COL28A1: variants seen among roughly 807,000 people sequenced by gnomAD.
The protein encoded by COL28A1 is collagen alpha-1(XXVIII) chain.
In COL28A1, 161 loss-of-function variants were observed where a neutral mutation model predicts 150.2. The ratio of observed to expected loss-of-function variants is 1.07; its 90% CI spans 0.94 to 1.22. The LOEUF (loss-of-function observed/expected upper bound fraction) is 1.22, where lower values mean the gene tolerates loss of function less well. COL28A1 is among the 50% of genes most tolerant of loss of function. The pLI is 0.00. For synonymous variants in COL28A1, 552 were observed against 469.7 expected (o/e 1.18, Z -2.26); for missense variants, 1,617 against 1,388.3 (o/e 1.16, Z -2.62).
chr7:7,443,992 T>TG (rs1191619298), intron 19 of COL28A1, among the ~76,000 whole-genome samples: 4 of 150,970 alleles, frequency 2.6e-5, no homozygotes, highest in African/African-American at 9.7e-5. Flanking sequence ...TGCTGTTTTT[T>TG]TTTTTTTTTT....
chr7:7,340,019 C>G, the COL28A1 span, among the ~76,000 whole-genome samples: 2 of 152,024 alleles, frequency 1.3e-5, no homozygotes, highest in African/African-American at 2.4e-5. Context: ...GAGACAAGGT[C>G]TCACTCTATT....
chr7:7,428,266 G>C (rs1324739665), intron 25 of COL28A1, among the ~76,000 whole-genome samples: 1 of 152,158 alleles, frequency 6.6e-6, no homozygotes, highest in Non-Finnish European at 1.5e-5. Context: ...TCTGTGCAAA[G>C]ATTAGGCTAA....
chr7:7,488,636 A>G (rs909690006), intron 13 of COL28A1, among the ~76,000 whole-genome samples: 6 of 152,252 alleles, frequency 3.9e-5, no homozygotes, highest in Admixed American at 6.5e-5. Context: ...TCAAAACTAC[A>G]TAAAAGAGAT....
chr7:7,358,731 C>G lies in COL28A1; in HGVS notation c.3280G>C (p.Val1094Leu), dbSNP rs780807233. The G allele has an allele frequency of 1.2e-6, 2 of 1,614,018 alleles. No individual in the cohort carries two copies. The highest frequency in any genetic ancestry group is 1.7e-6 in the Non-Finnish European group (2 of 1,179,944). Residue 1094 changes from valine (V) to leucine (L), a missense_variant, in exon 35 of 35, where the codon GTC (valine) becomes CTC (leucine). Val to Leu is a conservative substitution (Grantham distance 32, BLOSUM62 1). Coordinates refer to ENST00000399429, the MANE Select transcript of COL28A1 (RefSeq NM_001037763.3). ...YVVRWYYDKQVNSCARFWFSG... is the reference protein window; with the variant it reads ...YVVRWYYDKQLNSCARFWFSG... Reference sequence around the variant, plus strand: ...AACCAAAATCGGGCACAAGAGTTGACCTGTTTGTCATAATACCATCGAACC... The same window carrying G: ...AACCAAAATCGGGCACAAGAGTTGAGCTGTTTGTCATAATACCATCGAACC...
intron 3 of COL28A1, among the ~76,000 whole-genome samples, chr7:7,525,235 G>A (rs930904542): frequency 2.4e-4 from 36 of 152,174 alleles, no homozygotes; most frequent in Non-Finnish European, 4.4e-4. Context: ...CCTCCTGACC[G>A]TCTTCAGTGC....
At position 7,373,027 on chromosome 7, in the gene COL28A1, T is replaced by C; in HGVS notation, c.2879A>G (p.Tyr960Cys). 6.2e-7 allele frequency: 1 copy of C among 1,614,056 alleles called. No homozygotes were observed. Among genetic ancestry groups the C allele is most frequent in the Non-Finnish European group, 8.5e-7 (1 of 1,179,980 alleles). Residue 960 changes from tyrosine (Y) to cysteine (C), a missense_variant, in exon 32 of 35, where the codon TAC becomes TGC. Transcript: ENST00000399429. This position sits in a 1 kb window ranked among gnomAD's most constrained non-coding sequence, Gnocchi z 4.1. The stretch of plus-strand genomic sequence containing the variant: ...CAGGGTAAAGAAATCATCAAACTGG[T>C]AAACATGCTCTGGGTCAGTAGCAAT... ...NLIATDPEHV[Y>C]QFDDFFTLQD...
intron 25 of COL28A1, among the ~76,000 whole-genome samples, chr7:7,422,435 C>T (rs1271288150): frequency 6.6e-6 from 1 of 152,058 alleles, no homozygotes; most frequent in Non-Finnish European, 1.5e-5. Context: ...TTGAGATCAG[C>T]CTGGCCAATG....
At chr7:7,458,768 A>T (rs1787371189) in intron 15 of COL28A1, among the ~76,000 whole-genome samples, 1 of 152,178 alleles carries the variant, frequency 6.6e-6, no homozygotes. Flanking sequence ...AACTCACCCC[A>T]GGTCACGCAA....
At chr7:7,502,030 G>T (rs1158394210) in intron 11 of COL28A1, among the ~76,000 whole-genome samples, 2 of 152,176 alleles carry the variant, frequency 1.3e-5, no homozygotes, top group Admixed American at 6.5e-5. Flanking sequence ...GAGTAGCTGG[G>T]ATCACAGGCG....
chr7:7,400,233 T>C (rs112737372), intron 27 of COL28A1, among the ~76,000 whole-genome samples: 2 of 152,230 alleles, frequency 1.3e-5, no homozygotes, highest in African/African-American at 4.8e-5. Flanking sequence ...AAGTTAAGGA[T>C]TGTGGCATGG....
At chr7:7,355,262 G>T (rs1347522283), downstream of COL28A1, among the ~76,000 whole-genome samples, 1 of 152,066 alleles carries the variant, frequency 6.6e-6, no homozygotes, top group Non-Finnish European at 1.5e-5. Flanking sequence ...GTATTTCACA[G>T]AAGCAGCAGC....
chr7:7,491,520 T>C (rs934831065), intron 11 of COL28A1, among the ~76,000 whole-genome samples: 2 of 152,228 alleles, frequency 1.3e-5, no homozygotes, highest in Non-Finnish European at 2.9e-5. Flanking sequence ...AGAGTTCTCA[T>C]GATTTAAGCC....
chr7:7,525,471 T>G (rs1781973457), intron 3 of COL28A1, among the ~76,000 whole-genome samples: 1 of 152,222 alleles, frequency 6.6e-6, no homozygotes, highest in Non-Finnish European at 1.5e-5. Context: ...ATTAGTACTT[T>G]CTTAACCTAG....
At chr7:7,425,692 TA>T (rs1333522579) in intron 25 of COL28A1, among the ~76,000 whole-genome samples, 1 of 152,190 alleles carries the variant, frequency 6.6e-6, no homozygotes, top group Non-Finnish European at 1.5e-5. Context: ...TTGAATTTGT[TA>T]GGATTCATAA....
chr7:7,350,157 C>A, the COL28A1 span, among the ~76,000 whole-genome samples: 1 of 151,922 alleles, frequency 6.6e-6, no homozygotes, highest in African/African-American at 2.4e-5. Context: ...GAAGAGGAGG[C>A]CAATTTGGAA....
chr7:7,380,654 A>G lies in COL28A1; in HGVS notation c.2322+6T>C. 1 of 1,612,512 alleles carries G rather than the reference A, an allele frequency of 6.2e-7. No homozygotes were observed. The highest frequency in any genetic ancestry group is 8.5e-7 in the Non-Finnish European group (1 of 1,178,630). ...CCCTCAATTACCCTCTAGAATGGAT[A>G]CTCACTGTAAGTCCTAGGTCTCCTT... is the stretch of plus-strand genomic sequence containing the variant. On this transcript the variant is annotated splice_donor_region_variant and intron_variant, in intron 30 of 34. Transcript: ENST00000399429.
rs1784189276 is a variant in COL28A1 at position 7,417,850 on chromosome 7, T to C, written c.2136+9A>G. The C allele has an allele frequency of 6.2e-7, 1 of 1,611,912 alleles. No homozygotes were observed. Among genetic ancestry groups the C allele is most frequent in the Non-Finnish European group, 8.5e-7 (1 of 1,178,530 alleles). On this transcript the variant is annotated intron_variant, in intron 27 of 34. Transcript: ENST00000399429. ...CAGAGGTGACTCCAGCACAACCCTA[T>C]TCACTTACTTTAATTCCCTGTGATC...
intron 25 of COL28A1, among the ~76,000 whole-genome samples, chr7:7,426,387 G>A (rs1007944654): frequency 2.6e-5 from 4 of 152,138 alleles, no homozygotes; most frequent in African/African-American, 4.8e-5. Context: ...TACCTCACTC[G>A]TGGTAGCCAG....
chr7:7,445,499 T>C lies in COL28A1; in HGVS notation c.1510-1010A>G, dbSNP rs143009673. On this transcript the variant is annotated intron_variant, in intron 18 of 34. Coordinates refer to ENST00000399429, the MANE Select transcript of COL28A1 (RefSeq NM_001037763.3). ...TTGTATTAAGGCACTCAGTTCCTAGTACTTTCTTACATCAGCTCTAGAAAA... is the reference window on the plus strand; with the variant it reads ...TTGTATTAAGGCACTCAGTTCCTAGCACTTTCTTACATCAGCTCTAGAAAA... 8.0e-4 allele frequency among the ~76,000 whole-genome samples: 122 copies of C among 152,348 alleles called. 1 individual carries two copies. Among genetic ancestry groups the C allele is most frequent in the Middle Eastern group, 3.4e-3 (1 of 294 alleles).
Sources: allele counts gnomAD v4.1 joint callset (sites outside exome capture counted in the v4.1 genomes callset), GRCh38; gene constraint gnomAD v4.1.1; non-coding constraint Gnocchi (gnomAD v3.1); transcripts MANE v1.5; gene names NCBI Gene and HGNC (gene_info 2026-07-23, HGNC 2026-07-21).